LCORL: variants seen among roughly 807,000 people sequenced by gnomAD.
LCORL encodes the protein ligand dependent nuclear receptor corepressor like, also known as ligand-dependent nuclear receptor corepressor-like protein.
A neutral mutation model predicts 141.8 loss-of-function variants in LCORL; 41 were observed. The ratio of observed to expected loss-of-function variants is 0.29; its 90% confidence interval spans 0.23 to 0.38. The LOEUF (loss-of-function observed/expected upper bound fraction) is 0.38. Ranked by LOEUF, LCORL falls within the 10% of genes least tolerant of loss-of-function variation. LCORL has a pLI of 1.00. For synonymous variants in LCORL, 618 were observed against 694.1 expected (o/e 0.89, Z 1.72); for missense variants, 1,759 against 2,035.0 (o/e 0.86, Z 2.61).
chr4:17,992,064 A>G (rs944369831), intron 1 of LCORL, among the ~76,000 whole-genome samples: 2 of 152,186 alleles, frequency 1.3e-5, no homozygotes, highest in African/African-American at 4.8e-5. Flanking sequence ...ATATTCCCTA[A>G]TCTGCTTATA....
intron 7 of LCORL, among the ~76,000 whole-genome samples, chr4:17,861,725 A>G (rs1275045399): frequency 6.6e-6 from 1 of 152,234 alleles, no homozygotes; most frequent in Non-Finnish European, 1.5e-5. Flanking sequence ...AAATGCCTTT[A>G]ACAGCACCCA....
chr4:17,926,247 G>A (rs867644474), intron 4 of LCORL, among the ~76,000 whole-genome samples: 10 of 152,128 alleles, frequency 6.6e-5, no homozygotes, highest in Non-Finnish European at 1.2e-4. Context: ...GTCTGTGAGG[G>A]TGTTGCCAAA....
chr4:17,909,052 A>G, intron 5 of LCORL, 42 bp downstream of exon 5: 2 of 1,505,906 alleles, frequency 1.3e-6, no homozygotes, highest in Non-Finnish European at 1.8e-6. Flanking sequence ...TTAACGATAT[A>G]AAACATCAAA....
At chr4:17,843,056 C>CTA (rs1722572570) in exon 8 of LCORL, 1 of 263,204 alleles carries the variant, frequency 3.8e-6, no homozygotes, top group Non-Finnish European at 7.3e-6. Flanking sequence ...GGCTTTTTTT[C>CTA]CTGTATAACA....
At chr4:17,845,703 T>C (rs200159014) in exon 8 of LCORL, 36 of 1,582,202 alleles carry the variant, frequency 2.3e-5, no homozygotes, top group Non-Finnish European at 3.0e-5. Flanking sequence ...ATAAAGATAG[T>C]GCAAGAAGAA....
chr4:17,884,244 C>T lies in LCORL; in HGVS notation c.776+1824G>A. 1 of 1,550,732 alleles carries T rather than the reference C, an allele frequency of 6.4e-7. No individual in the cohort carries two copies. Among genetic ancestry groups the T allele is most frequent in the Non-Finnish European group, 8.7e-7 (1 of 1,146,402 alleles). On this transcript the variant is annotated intron_variant, in intron 6 of 7. Transcript: ENST00000635767. This position sits in a 1 kb window ranked among gnomAD's most constrained non-coding sequence, Gnocchi z 4.4. Reference sequence around the variant, plus strand: ...TACATAACATCCAACAGACCAGAACCATCAGGTTGTGATTTTGAGACAGAA... The same window carrying T: ...TACATAACATCCAACAGACCAGAACTATCAGGTTGTGATTTTGAGACAGAA...
chr4:17,912,563 G>A (rs1440163905), intron 4 of LCORL: 2 of 449,578 alleles, frequency 4.4e-6, no homozygotes, highest in Non-Finnish European at 8.7e-6. Context: ...TGCCGGAATT[G>A]GAGCTGCTGA....
chr4:17,925,612 T>C (rs1046900319), intron 4 of LCORL, among the ~76,000 whole-genome samples: 1 of 152,068 alleles, frequency 6.6e-6, no homozygotes, highest in Non-Finnish European at 1.5e-5. Context: ...TTGCTCATGC[T>C]TGTAATCCCA....
At chr4:17,910,686 A>C (rs1052833015) in intron 4 of LCORL, among the ~76,000 whole-genome samples, 3 of 152,184 alleles carry the variant, frequency 2.0e-5, no homozygotes, top group Non-Finnish European at 4.4e-5. Flanking sequence ...GAGGAGAGGC[A>C]ACAAACCCAC....
intron 5 of LCORL, among the ~76,000 whole-genome samples, chr4:17,904,288 T>G (rs1160784324): frequency 6.6e-6 from 1 of 152,098 alleles, no homozygotes; most frequent in East Asian, 1.9e-4. Flanking sequence ...CTTTGCCTAT[T>G]TTTCTTATCA....
chr4:17,875,106 T>G, exon 7 of LCORL: 1 of 1,233,562 alleles, frequency 8.1e-7, no homozygotes, highest in South Asian at 4.1e-5. Flanking sequence ...TTGGTCATAC[T>G]TTTCTTCAGG....
At chr4:17,889,384 T>G (rs1728754521) in intron 5 of LCORL, among the ~76,000 whole-genome samples, 1 of 152,118 alleles carries the variant, frequency 6.6e-6, no homozygotes, top group African/African-American at 2.4e-5. Flanking sequence ...AAGTAATATA[T>G]TATGGTATCT....
In LCORL at chr4:17,845,696, A is replaced by AAGAT. The variant is rs1237703416; in HGVS notation, c.*188_*191dup. The stretch of plus-strand genomic sequence containing the variant: ...AGAAGGAATACTGACATACAAAATA[A>AAGAT]AGATAGTGCAAGAAGAACTGCAATC... On this transcript the variant is annotated 3_prime_UTR_variant, in exon 8 of 8. Coordinates refer to ENST00000635767, the Ensembl canonical transcript of LCORL. 3.9e-6 allele frequency: 6 copies of AAGAT among 1,557,540 alleles called. No individual in the cohort carries two copies. In the African/African-American group the frequency reaches 4.1e-5, roughly 11 times the overall value.
At chr4:17,878,149 T>C (rs528492823) in exon 7 of LCORL, 1 of 1,230,338 alleles carries the variant, frequency 8.1e-7, no homozygotes, top group African/African-American at 1.6e-5. Flanking sequence ...TCCAAAACTT[T>C]GTTTAATGCT....
chr4:17,903,479 T>C (rs796216047), intron 5 of LCORL, among the ~76,000 whole-genome samples: 3 of 152,034 alleles, frequency 2.0e-5, no homozygotes, highest in African/African-American at 7.2e-5. Flanking sequence ...ACTCTGGCCC[T>C]AGATTAAAAC....
intron 4 of LCORL, among the ~76,000 whole-genome samples, chr4:17,916,319 T>C (rs1276641574): frequency 6.6e-6 from 1 of 152,220 alleles, no homozygotes. Context: ...GTTTCAGTGA[T>C]TGGCTTTCTG....
At chr4:17,992,306 A>G (rs1289902131) in intron 1 of LCORL, among the ~76,000 whole-genome samples, 1 of 152,182 alleles carries the variant, frequency 6.6e-6, no homozygotes, top group East Asian at 1.9e-4. Context: ...GTGAGAACTC[A>G]CTATCCCAAG....
At chr4:17,875,483 T>G in exon 7 of LCORL, 2 of 1,231,402 alleles carry the variant, frequency 1.6e-6, no homozygotes, top group Non-Finnish European at 2.0e-6. Context: ...CATTATTGTT[T>G]AAAGACATAA....
intron 1 of LCORL, among the ~76,000 whole-genome samples, chr4:18,013,869 C>A (rs1724206822): frequency 6.6e-6 from 1 of 151,262 alleles, no homozygotes; most frequent in African/African-American, 2.4e-5. Context: ...AGTACAGTTG[C>A]ATGATCTCAT....
Sources: gnomAD v4.1 joint callset for allele counts (sites outside exome capture counted in the v4.1 genomes callset) on GRCh38, gnomAD v4.1.1 for gene constraint, Gnocchi (gnomAD v3.1) non-coding constraint, MANE v1.5 for transcripts, NCBI Gene and HGNC (gene_info 2026-07-23, HGNC 2026-07-21) for gene names.